PTPRD: variants seen among roughly 807,000 people sequenced by gnomAD.
PTPRD encodes the protein protein tyrosine phosphatase receptor type D.
Under a neutral mutation model 214.5 loss-of-function variants are expected in PTPRD, and 34 were observed. The ratio of observed to expected loss-of-function variants is 0.16; its 90% CI spans 0.12 to 0.21. The LOEUF is 0.21. Ranked by LOEUF, PTPRD falls within the 10% of genes least tolerant of loss-of-function variation. The pLI, the probability that PTPRD is intolerant of heterozygous loss-of-function variation, is 1.00. For missense variants in PTPRD, 2,545 were observed against 2,398.7 expected, an observed-to-expected ratio of 1.06 and a Z score of -1.27; for synonymous variants, 1,128 against 845.7, an observed-to-expected ratio of 1.33 and a Z score of -5.79.
intron 12 of PTPRD, among the ~76,000 whole-genome samples, chr9:8,669,999 G>C (rs1350013160): frequency 1.3e-5 from 2 of 151,380 alleles, no homozygotes. Flanking sequence ...AAAGATTATA[G>C]GGGTCGGTGT....
At chr9:10,424,037 G>A (rs1466660081) in intron 2 of PTPRD, among the ~76,000 whole-genome samples, 1 of 151,962 alleles carries the variant, frequency 6.6e-6, no homozygotes, top group African/African-American at 2.4e-5. Flanking sequence ...GACTAAAAAT[G>A]TCCTGTTTGT....
Position 10,278,134 on chromosome 9 carries a change from C to T in PTPRD, c.-545+62829G>A, listed in dbSNP as rs150388937. The stretch of plus-strand genomic sequence containing the variant: ...TAGCGCCACTGCACTCCAGCCTGGG[C>T]GACAGAGCGAGACTCTGTCTCAAAA... On this transcript the variant is annotated intron_variant, in intron 3 of 45. Coordinates refer to ENST00000381196, the MANE Select transcript of PTPRD (RefSeq NM_002839.4). Among the ~76,000 whole-genome samples, 877 of 141,702 alleles carry T rather than the reference C, an allele frequency of 6.2e-3. 12 individuals are homozygous for T. Among genetic ancestry groups the T allele is most frequent in the African/African-American group, 0.021 (797 of 38,590 alleles). The allele number at this position is 141,702 out of a possible 152,430, so 93.0% of individuals were successfully genotyped here.
Position 10,518,556 on chromosome 9 carries a change from G to A in PTPRD, c.-600+93842C>T, listed in dbSNP as rs141767826. Among the ~76,000 whole-genome samples, 43 of 149,986 alleles carry A rather than the reference G, an allele frequency of 2.9e-4. No homozygotes were observed. In the East Asian group the frequency reaches 2.9e-3, roughly 10 times the overall value. On this transcript the variant is annotated intron_variant, in intron 2 of 45. Coordinates refer to ENST00000381196, the MANE Select transcript of PTPRD (RefSeq NM_002839.4). The stretch of plus-strand genomic sequence containing the variant: ...TACAATTTTTTTTTTTTTTTGAGAC[G>A]GAGTCTCGCACTGTCACCCAGGCTG...
chr9:8,644,995 G>C (rs1349027527), intron 12 of PTPRD, among the ~76,000 whole-genome samples: 1 of 152,220 alleles, frequency 6.6e-6, no homozygotes, highest in African/African-American at 2.4e-5. Flanking sequence ...CAAAGATCTT[G>C]TAACACTAAT....
At chr9:9,039,504 T>C (rs1178608216) in intron 10 of PTPRD, among the ~76,000 whole-genome samples, 2 of 152,216 alleles carry the variant, frequency 1.3e-5, no homozygotes, top group African/African-American at 4.8e-5. Context: ...ATCCTGCTTT[T>C]GTAAATAAGG....
intron 3 of PTPRD, among the ~76,000 whole-genome samples, chr9:10,095,967 G>A (rs1294466306): frequency 6.6e-6 from 1 of 151,486 alleles, no homozygotes; most frequent in African/African-American, 2.4e-5. Flanking sequence ...CATTGCTGGG[G>A]TGAACTCATC....
At chr9:10,374,533 A>T (rs1205724979) in intron 2 of PTPRD, among the ~76,000 whole-genome samples, 1 of 152,028 alleles carries the variant, frequency 6.6e-6, no homozygotes, top group African/African-American at 2.4e-5. Context: ...CATAGGAGCC[A>T]CACTCAGATG....
chr9:9,537,972 T>C (rs911319361), intron 8 of PTPRD, among the ~76,000 whole-genome samples: 1 of 151,878 alleles, frequency 6.6e-6, no homozygotes, highest in African/African-American at 2.4e-5. Flanking sequence ...TCTGTGTTAC[T>C]ATGCATATTT....
chr9:9,083,161 G>A (rs1011194530), intron 10 of PTPRD, among the ~76,000 whole-genome samples: 1 of 152,036 alleles, frequency 6.6e-6, no homozygotes, highest in Non-Finnish European at 1.5e-5. Context: ...ACACTACAAG[G>A]CTACAGTAAC....
At chr9:9,542,421 A>C (rs1471052822) in intron 8 of PTPRD, among the ~76,000 whole-genome samples, 1 of 151,790 alleles carries the variant, frequency 6.6e-6, no homozygotes, top group African/African-American at 2.4e-5. Flanking sequence ...AAAAGCTCTT[A>C]CCTTTAAATA....
intron 14 of PTPRD, among the ~76,000 whole-genome samples, chr9:8,554,217 G>A (rs1354425502): frequency 6.6e-6 from 1 of 151,828 alleles, no homozygotes; most frequent in Non-Finnish European, 1.5e-5. Context: ...AAAACCCACA[G>A]ATTATAGTTG....
intron 7 of PTPRD, among the ~76,000 whole-genome samples, chr9:9,732,644 T>G (rs73641347): frequency 1.3e-5 from 2 of 152,110 alleles, no homozygotes; most frequent in Admixed American, 1.3e-4. Context: ...GAGGCAAAAT[T>G]TGTGCTACCT....
intron 5 of PTPRD, among the ~76,000 whole-genome samples, chr9:9,929,414 C>G (rs1269063116): frequency 6.6e-6 from 1 of 152,060 alleles, no homozygotes; most frequent in Non-Finnish European, 1.5e-5. Flanking sequence ...TTTTTTGAGA[C>G]AGAGTCTCAC....
chr9:10,446,158 G>A (rs560131342), intron 2 of PTPRD, among the ~76,000 whole-genome samples: 1 of 152,086 alleles, frequency 6.6e-6, no homozygotes, highest in Non-Finnish European at 1.5e-5. Context: ...GAGGAGAAAG[G>A]ATTTGATGCT....
Position 9,924,485 on chromosome 9 carries a change from T to C in PTPRD, c.-368+14022A>G, listed in dbSNP as rs144336607. On this transcript the variant is annotated intron_variant, in intron 5 of 45. Transcript: ENST00000381196. ...AAAATAAAAGCAAATTTTAAAGTTA[T>C]AACAACTCATGTTGCTACAAAAGCC... Among the ~76,000 whole-genome samples the C allele has an allele frequency of 5.3e-5, 8 of 152,190 alleles. No homozygotes were observed. The East Asian group carries it at 1.5e-3, about 29-fold the overall frequency.
intron 11 of PTPRD, among the ~76,000 whole-genome samples, chr9:8,964,192 GT>G (rs71317391): frequency 4.6e-3 from 163 of 35,638 alleles, no homozygotes; most frequent in East Asian, 0.025. Context: ...TCAGGGCTGT[GT>G]TTTTTTTTTT....
At chr9:10,380,886 T>C (rs930683698) in intron 2 of PTPRD, among the ~76,000 whole-genome samples, 4 of 152,024 alleles carry the variant, frequency 2.6e-5, no homozygotes, top group Non-Finnish European at 5.9e-5. Flanking sequence ...AATAGTTTTA[T>C]CATCTTTACC....
intron 6 of PTPRD, among the ~76,000 whole-genome samples, chr9:9,755,701 A>G (rs2098562615): frequency 6.6e-6 from 1 of 152,060 alleles, no homozygotes; most frequent in African/African-American, 2.4e-5. Context: ...CAATTGTATA[A>G]AAGAATACAA....
At chr9:9,837,098 G>C (rs1232462069) in intron 5 of PTPRD, among the ~76,000 whole-genome samples, 5 of 152,104 alleles carry the variant, frequency 3.3e-5, no homozygotes, top group African/African-American at 9.7e-5. Context: ...ATGTGTATTA[G>C]AGTAAATATT....
Sources: allele counts gnomAD v4.1 joint callset (sites outside exome capture counted in the v4.1 genomes callset), GRCh38; gene constraint gnomAD v4.1.1; transcripts MANE v1.5; gene names NCBI Gene and HGNC (gene_info 2026-07-23, HGNC 2026-07-21).